Variants in XKR6 observed in about 807,000 individuals in gnomAD.
XKR6 encodes the protein XK-related protein 6.
In XKR6, 22 loss-of-function variants were observed where a neutral mutation model predicts 56.7. That is an observed-to-expected ratio of 0.39 (90% CI 0.28 to 0.55). The LOEUF is 0.55. Ranked by LOEUF, XKR6 falls within the 20% of genes least tolerant of loss-of-function variation. The probability of loss-of-function intolerance (pLI) is 0.66; values close to 1 mark genes in which losing one functional copy is unlikely to be tolerated. For missense variants in XKR6, 852 were observed against 889.0 expected (o/e 0.96, Z 0.53); for synonymous variants, 524 against 387.8 (o/e 1.35, Z -4.13).
intron 1 of XKR6, among the ~76,000 whole-genome samples, chr8:10,991,765 C>T (rs1797998452): frequency 6.6e-6 from 1 of 152,140 alleles, no homozygotes; most frequent in Non-Finnish European, 1.5e-5. Context: ...TCTCCCATTG[C>T]CTCTCAATTT....
chr8:11,029,030 C>A (rs1484174598), intron 1 of XKR6, among the ~76,000 whole-genome samples: 1 of 152,156 alleles, frequency 6.6e-6, no homozygotes, highest in Non-Finnish European at 1.5e-5. Flanking sequence ...GTCACCCCCA[C>A]CCTGTGCCTG....
intron 1 of XKR6, among the ~76,000 whole-genome samples, chr8:10,938,025 T>A (rs1474861179): frequency 1.3e-5 from 2 of 152,048 alleles, no homozygotes; most frequent in Non-Finnish European, 2.9e-5. Context: ...CAGTTTGATC[T>A]CAGACTGCTG....
At chr8:11,180,352 A>T (rs545434068) in intron 1 of XKR6, among the ~76,000 whole-genome samples, 1 of 152,232 alleles carries the variant, frequency 6.6e-6, no homozygotes, top group South Asian at 2.1e-4. Context: ...TGGCACAAGG[A>T]ATGTTTGGAC....
chr8:11,097,592 G>A (rs1036440893), intron 1 of XKR6, among the ~76,000 whole-genome samples: 6 of 151,740 alleles, frequency 4.0e-5, no homozygotes, highest in East Asian at 1.9e-4. Flanking sequence ...CGTATCAACC[G>A]AGGTCAGGAG....
chr8:10,966,057 C>G (rs1307382956), intron 1 of XKR6, among the ~76,000 whole-genome samples: 1 of 152,200 alleles, frequency 6.6e-6, no homozygotes, highest in Non-Finnish European at 1.5e-5. Context: ...ACCTCGGGTA[C>G]ATCCAGATAA....
intron 1 of XKR6, among the ~76,000 whole-genome samples, chr8:11,183,239 G>A (rs183203002): frequency 2.9e-4 from 44 of 152,248 alleles, no homozygotes; most frequent in Admixed American, 4.6e-4. Flanking sequence ...TGAAACTGCT[G>A]GATCATGTGG....
chr8:11,083,382 C>A (rs1797790844), intron 1 of XKR6, among the ~76,000 whole-genome samples: 1 of 152,176 alleles, frequency 6.6e-6, no homozygotes, highest in African/African-American at 2.4e-5. Flanking sequence ...GATGCACAAC[C>A]TGAAAGGCAG....
rs200376398 is a variant in XKR6, at chr8:11,193,654, A to AT, written c.764+6921dup. Among the ~76,000 whole-genome samples the AT allele has an allele frequency of 3.9e-3, 590 of 150,318 alleles. 4 individuals carry two copies. Among genetic ancestry groups the AT allele is most frequent in the African/African-American group, 0.013 (539 of 40,948 alleles). ...GTGACCTGATGGTATCACTAAAAAA[A>AT]TTTTTTTTTTACAAACACTAACTTT... On this transcript the variant is annotated intron_variant, in intron 1 of 2. Transcript: ENST00000416569.
Position 11,154,693 on chromosome 8 carries a change from T to C in XKR6, c.764+45883A>G, listed in dbSNP as rs1217125191. ...GTATCAGTCAGTGTATTTTTTACAG[T>C]TTTCTTGAAAATTAAGTAAGAGTTT... On this transcript the variant is annotated intron_variant, in intron 1 of 2. Transcript: ENST00000416569. 3.3e-5 allele frequency among the ~76,000 whole-genome samples: 5 copies of C among 152,338 alleles called. No homozygotes were observed. In the East Asian group the frequency reaches 7.7e-4, roughly 24 times the overall value.
At chr8:11,118,281 T>C (rs1189669966) in intron 1 of XKR6, among the ~76,000 whole-genome samples, 1 of 152,224 alleles carries the variant, frequency 6.6e-6, no homozygotes, top group Non-Finnish European at 1.5e-5. Flanking sequence ...TCTTTTGTTG[T>C]ATCTCTGCCA....
chr8:11,183,177 T>C (rs1803088682), intron 1 of XKR6, among the ~76,000 whole-genome samples: 1 of 152,244 alleles, frequency 6.6e-6, no homozygotes. Context: ...TGAATGTGGC[T>C]GTACAAATAT....
At chr8:11,057,450 G>C (rs978765521) in intron 1 of XKR6, among the ~76,000 whole-genome samples, 1 of 152,360 alleles carries the variant, frequency 6.6e-6, no homozygotes, top group East Asian at 1.9e-4. Flanking sequence ...TGGACGAGAA[G>C]TGACATTTGT....
chr8:10,991,673 T>C (rs1418781481), intron 1 of XKR6, among the ~76,000 whole-genome samples: 1 of 152,198 alleles, frequency 6.6e-6, no homozygotes, highest in African/African-American at 2.4e-5. Context: ...AATCAGTGGT[T>C]AACCTCTGGA....
chr8:11,166,060 A>G (rs970229646), intron 1 of XKR6, among the ~76,000 whole-genome samples: 1 of 151,776 alleles, frequency 6.6e-6, no homozygotes, highest in African/African-American at 2.4e-5. Flanking sequence ...GATTCAAGCA[A>G]ATCTCCTGCC....
intron 1 of XKR6, among the ~76,000 whole-genome samples, chr8:11,152,956 G>A (rs746229473): frequency 3.3e-5 from 5 of 152,166 alleles, no homozygotes; most frequent in Admixed American, 6.5e-5. Context: ...ATCTGCACTA[G>A]CTCACAGAAT....
At chr8:10,938,661 A>T (rs77944464) in intron 1 of XKR6, among the ~76,000 whole-genome samples, 4,410 of 152,258 alleles carry the variant, frequency 0.029, 228 homozygotes, top group African/African-American at 0.1. Flanking sequence ...GGGATGGAGA[A>T]CAGATTGGTA....
intron 1 of XKR6, among the ~76,000 whole-genome samples, chr8:11,084,010 G>A (rs916319475): frequency 1.3e-5 from 2 of 152,174 alleles, no homozygotes; most frequent in African/African-American, 4.8e-5. Flanking sequence ...GAGAAAAAGG[G>A]ATCCTAAATG....
chr8:11,105,923 T>C (rs949152887), intron 1 of XKR6: 1 of 152,242 alleles, frequency 6.6e-6, no homozygotes, highest in Non-Finnish European at 1.5e-5. Flanking sequence ...AGTATCATGC[T>C]TTAAACTGTT....
intron 2 of XKR6, among the ~76,000 whole-genome samples, chr8:10,900,985 C>G (rs771036777): frequency 6.6e-6 from 1 of 150,814 alleles, no homozygotes; most frequent in African/African-American, 2.4e-5. Flanking sequence ...TACATGGGAC[C>G]GCAGGCATGC....
Sources: gnomAD v4.1 joint callset for allele counts (sites outside exome capture counted in the v4.1 genomes callset) on GRCh38, gnomAD v4.1.1 for gene constraint, MANE v1.5 for transcripts, NCBI Gene and HGNC (gene_info 2026-07-23, HGNC 2026-07-21) for gene names.